Variants in NPHP1 observed in about 807,000 individuals in gnomAD.
The protein encoded by NPHP1 is nephrocystin-1.
A neutral mutation model predicts 90.4 loss-of-function variants in NPHP1; 70 were observed. The observed-to-expected ratio is 0.77, with a 90% CI of 0.64 to 0.95. The LOEUF (loss-of-function observed/expected upper bound fraction) is 0.95. NPHP1 is among the 40% of genes least tolerant of loss of function. The pLI, the probability that NPHP1 is intolerant of heterozygous loss-of-function variation, is 0.00. For missense variants in NPHP1, 764 were observed against 795.9 expected (o/e 0.96, Z 0.48); for synonymous variants, 256 against 271.7 (o/e 0.94, Z 0.57).
chr2:110,144,719 C>T lies in NPHP1; in HGVS notation c.1353-150G>A, dbSNP rs1336392624. ...TGAAAAGAATAATTGTTGATCCCTC[C>T]ATGAGGTACTATCTGGGCAAATAAA... On this transcript the variant is annotated intron_variant, in intron 14 of 19. Coordinates refer to ENST00000445609, the MANE Select transcript of NPHP1 (RefSeq NM_001128178.3). 3.7e-5 allele frequency: 24 copies of T among 651,876 alleles called. 1 individual carries two copies. In the African/African-American group the frequency reaches 4.2e-4, roughly 11 times the overall value. The allele number at this position is 651,876 out of a possible 1,614,324, so 40.4% of individuals were successfully genotyped here.
In NPHP1 at chr2:110,131,795, T is replaced by C. The variant is rs370945279; in HGVS notation, c.1530-4A>G. ...AATTAATGTTTCTGGCAGTAGACTA[T>C]TAAAGAAGAAAAAAATGTATTCATT... On this transcript the variant is annotated splice_polypyrimidine_tract_variant and splice_region_variant and intron_variant, in intron 16 of 19. Transcript: ENST00000445609. 13 of 1,538,564 alleles carry C rather than the reference T, an allele frequency of 8.4e-6. No individual in the cohort carries two copies. In the African/African-American group the frequency reaches 1.8e-4, roughly 21 times the overall value.
intron 1 of NPHP1, chr2:110,202,509 C>T (rs1294365453): frequency 1.1e-5 from 5 of 443,022 alleles, no homozygotes; most frequent in South Asian, 3.2e-5. Context: ...TTAGCTAATA[C>T]TATCAAAACA....
chr2:110,174,664 A>G (rs1334954457), intron 4 of NPHP1, among the ~76,000 whole-genome samples: 1 of 152,120 alleles, frequency 6.6e-6, no homozygotes, highest in Non-Finnish European at 1.5e-5. Flanking sequence ...ATTTGTGGAC[A>G]TACACAAAGC....
intron 1 of NPHP1, among the ~76,000 whole-genome samples, chr2:110,202,776 AT>A (rs1685658254): frequency 6.6e-6 from 1 of 152,152 alleles, no homozygotes; most frequent in Non-Finnish European, 1.5e-5. Flanking sequence ...GAAATGACAG[AT>A]TCTGGTGAGG....
intron 16 of NPHP1, among the ~76,000 whole-genome samples, chr2:110,133,401 G>A (rs1053852406): frequency 2.0e-5 from 3 of 152,172 alleles, no homozygotes. Flanking sequence ...CTAAATATAT[G>A]AAGCAAACAC....
At position 110,191,370 on chromosome 2, in the gene NPHP1, G is replaced by A. The variant is rs57187721; in HGVS notation, c.143+10051C>T. ...AAACGGCACACCAGGAGATTACATCGCGCACATGGCTCAGAGGGTCCTACG... is the reference window on the plus strand; with the variant it reads ...AAACGGCACACCAGGAGATTACATCACGCACATGGCTCAGAGGGTCCTACG... On this transcript the variant is annotated intron_variant, in intron 2 of 19. Coordinates refer to ENST00000445609, the MANE Select transcript of NPHP1 (RefSeq NM_001128178.3). 1.0e-3 allele frequency among the ~76,000 whole-genome samples: 155 copies of A among 152,278 alleles called. 4 individuals are homozygous for A. In the East Asian group the frequency reaches 0.021, roughly 21 times the overall value.
At chr2:110,134,711 A>T (rs1680036760) in intron 16 of NPHP1, among the ~76,000 whole-genome samples, 1 of 152,116 alleles carries the variant, frequency 6.6e-6, no homozygotes, top group Admixed American at 6.5e-5. Flanking sequence ...AATGTGCTAC[A>T]TTAACAGAAT....
intron 2 of NPHP1, among the ~76,000 whole-genome samples, chr2:110,189,867 C>G (rs373943913): frequency 9.9e-5 from 15 of 152,032 alleles, no homozygotes; most frequent in Non-Finnish European, 1.0e-4. Flanking sequence ...ATTCACAAAC[C>G]CTGAGTTAGA....
chr2:110,144,246 A>G (rs2104482633), intron 15 of NPHP1: 2 of 501,856 alleles, frequency 4.0e-6, no homozygotes, highest in African/African-American at 1.9e-5. Flanking sequence ...TCAGTGGTCA[A>G]TGAAAAGGAA....
chr2:110,197,956 A>T (rs1255051254), intron 2 of NPHP1, among the ~76,000 whole-genome samples: 1 of 152,136 alleles, frequency 6.6e-6, no homozygotes, highest in Non-Finnish European at 1.5e-5. Flanking sequence ...ATCCTCAAAC[A>T]GTTGATATTT....
chr2:110,181,499 T>A (rs1014307171), intron 2 of NPHP1, among the ~76,000 whole-genome samples: 2 of 152,134 alleles, frequency 1.3e-5, no homozygotes, highest in Non-Finnish European at 2.9e-5. Context: ...TGGGAAAAAC[T>A]GAGGCAATTA....
intron 2 of NPHP1, among the ~76,000 whole-genome samples, chr2:110,191,267 A>C (rs1256205371): frequency 3.3e-5 from 5 of 152,144 alleles, no homozygotes; most frequent in Non-Finnish European, 5.9e-5. Flanking sequence ...TTTCCTAGCC[A>C]AGGAAAGGGA....
intron 4 of NPHP1, among the ~76,000 whole-genome samples, chr2:110,175,643 C>T (rs1245410235): frequency 6.6e-6 from 1 of 151,812 alleles, no homozygotes; most frequent in African/African-American, 2.4e-5. Flanking sequence ...TCCTATTTAT[C>T]TTTGGTTTTC....
chr2:110,134,215 T>C (rs1679996856), intron 16 of NPHP1, among the ~76,000 whole-genome samples: 1 of 152,012 alleles, frequency 6.6e-6, no homozygotes, highest in African/African-American at 2.4e-5. Flanking sequence ...GTACTATAAA[T>C]AGTTGTATGC....
chr2:110,180,655 A>G (rs1683832033), intron 2 of NPHP1, among the ~76,000 whole-genome samples: 1 of 152,002 alleles, frequency 6.6e-6, no homozygotes, highest in Non-Finnish European at 1.5e-5. Context: ...CAAGGCAAAC[A>G]CCTTGACCCA....
At chr2:110,189,609 TG>T (rs1684549829) in intron 2 of NPHP1, among the ~76,000 whole-genome samples, 1 of 152,156 alleles carries the variant, frequency 6.6e-6, no homozygotes, top group South Asian at 2.1e-4. Flanking sequence ...CCAAGCGGGT[TG>T]CCATTGCTGG....
Position 110,131,769 on chromosome 2 carries a change from C to T in NPHP1, c.1552G>A (p.Gly518Arg). The T allele has an allele frequency of 1.9e-6, 3 of 1,607,728 alleles. No individual in the cohort carries two copies. Among genetic ancestry groups the T allele is most frequent in the South Asian group, 2.2e-5 (2 of 90,854 alleles). Reference sequence around the variant, plus strand: ...AACAAGTGAATAGAACACATATTTCCAATTAATGTTTCTGGCAGTAGACTA... The same window carrying T: ...AACAAGTGAATAGAACACATATTTCTAATTAATGTTTCTGGCAGTAGACTA... ...VLSLLPETLI[G>R]NMCSIHLLIF... Residue 518 changes from glycine to arginine, a missense_variant, in exon 17 of 20, where the codon GGA (glycine) becomes AGA (arginine). Transcript: ENST00000445609.
chr2:110,157,148 G>A (rs1221352305), intron 11 of NPHP1, among the ~76,000 whole-genome samples: 1 of 152,064 alleles, frequency 6.6e-6, no homozygotes, highest in African/African-American at 2.4e-5. Flanking sequence ...GAGTATCTGT[G>A]CAGCTATTAA....
At chr2:110,149,230 C>T (rs76678749) in intron 12 of NPHP1, among the ~76,000 whole-genome samples, 1,564 of 152,168 alleles carry the variant, frequency 0.01, 26 homozygotes, top group African/African-American at 0.036. Context: ...TTCCACGTGC[C>T]TAGGAAAAAA....
Sources: gnomAD v4.1 joint callset for allele counts (sites outside exome capture counted in the v4.1 genomes callset) on GRCh38, gnomAD v4.1.1 for gene constraint, MANE v1.5 for transcripts, NCBI Gene and HGNC (gene_info 2026-07-23, HGNC 2026-07-21) for gene names.